The following NRXN1 variants were observed in gnomAD, a reference collection of about 807,000 sequenced individuals.
NRXN1 encodes neurexin-1.
Under a neutral mutation model 150.9 loss-of-function variants are expected in NRXN1, and 39 were observed. That is an observed-to-expected ratio of 0.26 (90% CI 0.20 to 0.34). The LOEUF (loss-of-function observed/expected upper bound fraction) is 0.34, where lower values mean the gene tolerates loss of function less well. Among genes scored for constraint, NRXN1 ranks in the 10% least tolerant of loss-of-function variants. The probability of loss-of-function intolerance (pLI) is 1.00; values close to 1 mark genes in which losing one functional copy is unlikely to be tolerated. For synonymous variants in NRXN1, 924 were observed against 757.0 expected, an observed-to-expected ratio of 1.22 and a Z score of -3.62; for missense variants, 1,815 against 1,949.9, an observed-to-expected ratio of 0.93 and a Z score of 1.30.
intron 21 of NRXN1, among the ~76,000 whole-genome samples, chr2:49,953,742 T>G (rs529617736): frequency 1.3e-5 from 2 of 152,050 alleles, no homozygotes; most frequent in African/African-American, 4.8e-5. Context: ...ATTTCATATG[T>G]GTGAAGACAT....
At chr2:50,278,948 A>C (rs1023673691) in intron 17 of NRXN1, among the ~76,000 whole-genome samples, 5 of 152,182 alleles carry the variant, frequency 3.3e-5, no homozygotes, top group African/African-American at 1.2e-4. Flanking sequence ...TTCCTAAAAT[A>C]AAAATGACAT....
intron 5 of NRXN1, among the ~76,000 whole-genome samples, chr2:50,713,278 C>T (rs1456183605): frequency 1.3e-5 from 2 of 150,990 alleles, no homozygotes; most frequent in Non-Finnish European, 2.9e-5. Context: ...AGTACCCCTA[C>T]ACTCCAGCCT....
chr2:51,028,017 C>T lies in NRXN1; in HGVS notation c.257G>A (p.Gly86Asp), dbSNP rs1016340072. The change falls in exon 2 of 23, where the codon GGC becomes GAC. Residue 86 changes from glycine (G) to aspartate (D), a missense_variant. This residue lies in a region of NRXN1 where 554 missense variants were observed against 478.8 expected (regional missense o/e 1.16). Coordinates refer to ENST00000401669, the MANE Select transcript of NRXN1 (RefSeq NM_001330078.2). Reference protein sequence around the residue: ...CDFLELILTRGGRLQLSFSIF... With the variant: ...CDFLELILTRDGRLQLSFSIF... Reference sequence around the variant, plus strand: ...GGAGAAGCTGAGCTGCAGGCGGCCGCCGCGCGTCAGAATCAGCTCCAGGAA... The same window carrying T: ...GGAGAAGCTGAGCTGCAGGCGGCCGTCGCGCGTCAGAATCAGCTCCAGGAA... 16 of 1,599,412 alleles carry T rather than the reference C, an allele frequency of 1.0e-5. No individual in the cohort carries two copies. The highest frequency in any genetic ancestry group is 1.4e-5 in the Non-Finnish European group (16 of 1,177,766).
At chr2:50,627,718 C>G (rs918480419) in intron 5 of NRXN1, among the ~76,000 whole-genome samples, 4 of 151,424 alleles carry the variant, frequency 2.6e-5, no homozygotes, top group Non-Finnish European at 1.5e-5. Context: ...TCAGCAGGAG[C>G]CTTAAAGACA....
intron 17 of NRXN1, among the ~76,000 whole-genome samples, chr2:50,284,259 C>T (rs919927776): frequency 6.6e-6 from 1 of 152,090 alleles, no homozygotes; most frequent in Non-Finnish European, 1.5e-5. Flanking sequence ...TGTCTTAATC[C>T]AAGGCCGATA....
At chr2:50,236,570 C>T (rs1394043603) in intron 18 of NRXN1, among the ~76,000 whole-genome samples, 10 of 124,634 alleles carry the variant, frequency 8.0e-5, no homozygotes, top group African/African-American at 3.2e-4. Context: ...AAGAGGAATT[C>T]ACACTCCAAA....
chr2:50,171,145 C>T (rs10469917), intron 18 of NRXN1, among the ~76,000 whole-genome samples: 132,735 of 152,044 alleles, frequency 0.87, 58,263 homozygotes, highest in African/African-American at 0.96. Flanking sequence ...AGAGGAGGGG[C>T]TGATCTTGCT....
At chr2:50,093,140 C>A (rs1396027009) in intron 18 of NRXN1, among the ~76,000 whole-genome samples, 2 of 152,080 alleles carry the variant, frequency 1.3e-5, no homozygotes, top group African/African-American at 4.8e-5. Flanking sequence ...AAAAAAATCT[C>A]CATAAGTCTT....
At chr2:50,476,834 T>C (rs530569121) in intron 15 of NRXN1, among the ~76,000 whole-genome samples, 6 of 152,196 alleles carry the variant, frequency 3.9e-5, no homozygotes, top group Non-Finnish European at 2.9e-5. Flanking sequence ...AATCTGGTAA[T>C]ATAAATAGGA....
At chr2:50,114,677 T>TA (rs55993703) in intron 18 of NRXN1, among the ~76,000 whole-genome samples, 44,229 of 151,916 alleles carry the variant, frequency 0.29, 6,791 homozygotes, top group Admixed American at 0.41. Flanking sequence ...CATTCAGTGC[T>TA]AAAAGAAATG....
chr2:49,996,263 G>T (rs1682983787), intron 21 of NRXN1, among the ~76,000 whole-genome samples: 1 of 152,238 alleles, frequency 6.6e-6, no homozygotes, highest in South Asian at 2.1e-4. Context: ...TCTTTGCCTG[G>T]AAGGATGAAA....
chr2:50,581,147 C>T (rs748432255), intron 8 of NRXN1, among the ~76,000 whole-genome samples: 23 of 152,158 alleles, frequency 1.5e-4, no homozygotes, highest in Non-Finnish European at 2.1e-4. Context: ...ACAGAAGTTC[C>T]CTAAGGACAG....
At chr2:50,125,049 A>C (rs1441169847) in intron 18 of NRXN1, among the ~76,000 whole-genome samples, 2 of 152,160 alleles carry the variant, frequency 1.3e-5, no homozygotes, top group Non-Finnish European at 2.9e-5. Flanking sequence ...ACATGTACGT[A>C]CATGAGTAAC....
intron 5 of NRXN1, among the ~76,000 whole-genome samples, chr2:50,882,874 T>C (rs1300597987): frequency 6.6e-6 from 1 of 151,838 alleles, no homozygotes; most frequent in East Asian, 1.9e-4. Context: ...CAGAGGCTTT[T>C]CTATAAAAAA....
At chr2:50,067,092 G>T (rs1695478460) in intron 19 of NRXN1, among the ~76,000 whole-genome samples, 1 of 152,160 alleles carries the variant, frequency 6.6e-6, no homozygotes, top group African/African-American at 2.4e-5. Flanking sequence ...ATGTGAAACA[G>T]CAGGCTTTTA....
intron 17 of NRXN1, among the ~76,000 whole-genome samples, chr2:50,327,240 A>G (rs991446184): frequency 6.6e-6 from 1 of 152,236 alleles, no homozygotes; most frequent in Non-Finnish European, 1.5e-5. Context: ...TACATACAAC[A>G]TGGATAAATT....
chr2:50,200,972 T>C (rs2062118438), intron 18 of NRXN1, among the ~76,000 whole-genome samples: 1 of 152,168 alleles, frequency 6.6e-6, no homozygotes, highest in South Asian at 2.1e-4. Context: ...AAAGCTTCCC[T>C]TTTTCTCCAT....
chr2:50,627,245 T>C (rs944439709), intron 5 of NRXN1, among the ~76,000 whole-genome samples: 1 of 151,820 alleles, frequency 6.6e-6, no homozygotes, highest in Middle Eastern at 3.4e-3. Flanking sequence ...CCTTAGAAAA[T>C]AGTTAACCAG....
chr2:50,324,540 A>G (rs2076261275), intron 17 of NRXN1, among the ~76,000 whole-genome samples: 1 of 152,076 alleles, frequency 6.6e-6, no homozygotes, highest in South Asian at 2.1e-4. Flanking sequence ...ATTTTATTTT[A>G]TTTTATTTGT....
Sources: gnomAD v4.1 joint callset for allele counts (sites outside exome capture counted in the v4.1 genomes callset) on GRCh38, gnomAD v4.1.1 for gene constraint, gnomAD v4.1.1 regional missense constraint, MANE v1.5 for transcripts, NCBI Gene and HGNC (gene_info 2026-07-23, HGNC 2026-07-21) for gene names.